The following GET1 variants were observed in gnomAD, a reference collection of about 807,000 sequenced individuals.
GET1 encodes guided entry of tail-anchored proteins factor 1.
GET1 carries 20 observed loss-of-function variants against 22.6 expected under a neutral mutation model. The ratio of observed to expected loss-of-function variants is 0.89; its 90% CI spans 0.62 to 1.29. GET1 has a LOEUF of 1.29. GET1 is among the 50% of genes most tolerant of loss of function. The pLI is 0.00. For missense variants in GET1, 209 were observed against 219.9 expected (o/e 0.95, Z 0.31); for synonymous variants, 92 against 83.8 (o/e 1.10, Z -0.53).
chr21:39,403,964 C>T (rs1433693647), intron 4 of GET1, among the ~76,000 whole-genome samples: 1 of 151,894 alleles, frequency 6.6e-6, no homozygotes, highest in Non-Finnish European at 1.5e-5. Context: ...CTTGCTCCTT[C>T]GCCCAGGCTG....
chr21:39,396,849 A>G lies in GET1; in HGVS notation c.452-17A>G. The G allele has an allele frequency of 1.2e-6, 2 of 1,613,462 alleles. No individual in the cohort carries two copies. Among genetic ancestry groups the G allele is most frequent in the Admixed American group, 1.7e-5 (1 of 59,948 alleles). On this transcript the variant is annotated splice_polypyrimidine_tract_variant and intron_variant, in intron 4 of 4. Transcript: ENST00000649170. Reference sequence around the variant, plus strand: ...ACTGCTGGTATGCGCTCTCATGGTGAATGTCTTTGTTTTCAGGTGGTGTTG... The same window carrying G: ...ACTGCTGGTATGCGCTCTCATGGTGGATGTCTTTGTTTTCAGGTGGTGTTG...
At chr21:39,403,541 G>T (rs1015200802) in intron 4 of GET1, among the ~76,000 whole-genome samples, 10 of 123,548 alleles carry the variant, frequency 8.1e-5, no homozygotes, top group Admixed American at 2.9e-4. Context: ...TAGCCAGGAT[G>T]GTCTCGATCT....
At position 39,390,659 on chromosome 21, in the gene GET1, G is replaced by A. The variant is rs543932439; in HGVS notation, c.103-39G>A. 9.3e-6 allele frequency: 15 copies of A among 1,610,426 alleles called. No homozygotes were observed. The South Asian group carries it at 9.9e-5, about 11-fold the overall frequency. On this transcript the variant is annotated intron_variant, in intron 1 of 4. Transcript: ENST00000649170. ...GGACTGGGGAACCCTCCTGTGACCC[G>A]TGTTGGAAGGTGCTGATCCCCGTTG...
At chr21:39,400,435 C>G (rs1456146667), downstream of GET1, among the ~76,000 whole-genome samples, 1 of 152,182 alleles carries the variant, frequency 6.6e-6, no homozygotes, top group Non-Finnish European at 1.5e-5. Flanking sequence ...CTTTTCTGTA[C>G]TCCTCCTGCA....
chr21:39,427,333 T>G (rs1483401191), intron 1 of GET1, among the ~76,000 whole-genome samples: 1 of 152,094 alleles, frequency 6.6e-6, no homozygotes, highest in South Asian at 2.1e-4. Context: ...TAATTCCAAT[T>G]TGGACAGCTG....
At chr21:39,403,423 T>C (rs950469374) in intron 4 of GET1, among the ~76,000 whole-genome samples, 1 of 151,718 alleles carries the variant, frequency 6.6e-6, no homozygotes, top group Non-Finnish European at 1.5e-5. Flanking sequence ...GCCTCCCGGG[T>C]TCACGCCATT....
Position 39,420,801 on chromosome 21 carries a change from G to A in GET1, c.*24-7431G>A, listed in dbSNP as rs570554011. The A allele has an allele frequency of 4.3e-6, 7 of 1,612,948 alleles. No homozygotes were observed. In the South Asian group the frequency reaches 6.6e-5, roughly 15 times the overall value. On this transcript the variant is annotated intron_variant, in intron 1 of 1. Transcript: ENST00000478273. ...TTCCGAGTCTCAATAGCCAGCTGCC[G>A]GCTAAAGGCTCTGCAGTTCAACCTC...
At chr21:39,391,740 A>G (rs756378446) in intron 2 of GET1, 29 bp from the exon 3 acceptor site, 11 of 1,609,528 alleles carry the variant, frequency 6.8e-6, no homozygotes, top group Middle Eastern at 3.3e-4. Context: ...CAGGACTGAC[A>G]TAATTATTTA....
At chr21:39,419,101 C>G (rs1378440522) in intron 1 of GET1, among the ~76,000 whole-genome samples, 1 of 152,142 alleles carries the variant, frequency 6.6e-6, no homozygotes. Flanking sequence ...ATGATACCAA[C>G]ATAATTCATC....
intron 1 of GET1, among the ~76,000 whole-genome samples, chr21:39,386,849 CT>C (rs11389229): frequency 2.3e-4 from 34 of 148,322 alleles, no homozygotes; most frequent in Non-Finnish European, 2.4e-4. Context: ...TACTTTAAAA[CT>C]TTTTTTTTTT....
At chr21:39,386,351 ACT>A (rs970773199) in intron 1 of GET1, 2 of 152,006 alleles carry the variant, frequency 1.3e-5, no homozygotes, top group African/African-American at 2.4e-5. Flanking sequence ...TAGGAGGACG[ACT>A]CTCTGCTTCA....
chr21:39,390,090 C>T (rs2038199894), intron 1 of GET1, among the ~76,000 whole-genome samples: 1 of 136,752 alleles, frequency 7.3e-6, no homozygotes, highest in South Asian at 2.2e-4. Context: ...CCGAAAAAGG[C>T]AGCAGAGGCT....
chr21:39,423,669 G>A (rs2074127180), intron 1 of GET1, among the ~76,000 whole-genome samples: 1 of 152,092 alleles, frequency 6.6e-6, no homozygotes, highest in Admixed American at 6.6e-5. Context: ...CTTTAGGCTA[G>A]GTACTTTATA....
At chr21:39,406,123 A>C (rs775299650) in exon 5 of GET1, 2 of 1,614,242 alleles carry the variant, frequency 1.2e-6, no homozygotes, top group South Asian at 2.2e-5. Context: ...CTTATCTCTG[A>C]AAGTTGTATC....
At chr21:39,381,688 T>C (rs2037563921) in intron 1 of GET1, among the ~76,000 whole-genome samples, 1 of 152,192 alleles carries the variant, frequency 6.6e-6, no homozygotes, top group Non-Finnish European at 1.5e-5. Context: ...ATCTTTATCA[T>C]TTTTAGGTGT....
chr21:39,400,661 A>G (rs2038816638), downstream of GET1, among the ~76,000 whole-genome samples: 1 of 152,180 alleles, frequency 6.6e-6, no homozygotes, highest in African/African-American at 2.4e-5. Context: ...TTTGAACACC[A>G]TTGGAATCCC....
At chr21:39,428,374 C>T (rs1448960479) in exon 2 of GET1, 1 of 1,613,322 alleles carries the variant, frequency 6.2e-7, no homozygotes, top group Admixed American at 1.7e-5. Context: ...CATTACTGTT[C>T]CGTGAAAAAT....
At chr21:39,381,820 C>T (rs2146897911) in intron 1 of GET1, among the ~76,000 whole-genome samples, 1 of 152,248 alleles carries the variant, frequency 6.6e-6, no homozygotes, top group Non-Finnish European at 1.5e-5. Context: ...TCATTGCAAC[C>T]TCTGCCTCCC....
At chr21:39,416,832 C>A (rs2041262179) in intron 1 of GET1, among the ~76,000 whole-genome samples, 1 of 152,116 alleles carries the variant, frequency 6.6e-6, no homozygotes, top group South Asian at 2.1e-4. Flanking sequence ...TTATTTGTGT[C>A]CTTACAGTGT....
Sources: gnomAD v4.1 joint callset for allele counts (sites outside exome capture counted in the v4.1 genomes callset) on GRCh38, gnomAD v4.1.1 for gene constraint, MANE v1.5 for transcripts, NCBI Gene and HGNC (gene_info 2026-07-23, HGNC 2026-07-21) for gene names.